GALNS: variants seen among roughly 807,000 people sequenced by gnomAD.
The protein encoded by GALNS is N-acetylgalactosamine-6-sulfatase.
In GALNS, 65 loss-of-function variants were observed where a neutral mutation model predicts 65.9. That is an observed-to-expected ratio of 0.99 (90% confidence interval 0.81 to 1.21). The LOEUF is 1.21. Among genes scored for constraint, GALNS ranks in the 50% most tolerant of loss-of-function variants. The pLI is 0.00. For synonymous variants in GALNS, 346 were observed against 288.9 expected (o/e 1.20, Z -2.00); for missense variants, 776 against 700.7 (o/e 1.11, Z -1.21).
intron 8 of GALNS, among the ~76,000 whole-genome samples, chr16:88,832,537 CTG>C (rs1193233886): frequency 5.9e-5 from 9 of 152,162 alleles, no homozygotes; most frequent in Admixed American, 3.9e-4. Context: ...GCGTAGGAAT[CTG>C]TGTTTCTGAC....
chr16:88,851,426 C>A (rs1967503140), intron 1 of GALNS, among the ~76,000 whole-genome samples: 1 of 152,164 alleles, frequency 6.6e-6, no homozygotes, highest in African/African-American at 2.4e-5. Context: ...CTCCGGGCTG[C>A]AGCTCCCAGC....
intron 8 of GALNS, among the ~76,000 whole-genome samples, chr16:88,834,572 T>C (rs1398176161): frequency 7.0e-4 from 50 of 71,264 alleles, no homozygotes; most frequent in Non-Finnish European, 1.2e-3. Flanking sequence ...AGGGCCCCCC[T>C]CAGCGTGGTC....
intron 6 of GALNS, 106 bp downstream of exon 6, chr16:88,836,095 G>C: frequency 2.5e-6 from 3 of 1,188,992 alleles, no homozygotes; most frequent in Non-Finnish European, 3.7e-6. Flanking sequence ...GCCTCCCACG[G>C]GGTGAGGTTG....
In GALNS at chr16:88,841,883, G is replaced by C; in HGVS notation, c.319+14C>G. The C allele has an allele frequency of 6.2e-7, 1 of 1,610,190 alleles. No homozygotes were observed. Among genetic ancestry groups the C allele is most frequent in the Non-Finnish European group, 8.5e-7 (1 of 1,178,210 alleles). On this transcript the variant is annotated intron_variant, in intron 3 of 13. Transcript: ENST00000268695. ...GCACCCCAAGGGTGTCCCTGGAGGC[G>C]GTGGGCAGCCTACCGTTTCTGGCAT...
intron 1 of GALNS, among the ~76,000 whole-genome samples, chr16:88,852,343 A>G (rs1237652730): frequency 2.6e-5 from 4 of 152,234 alleles, no homozygotes; most frequent in Non-Finnish European, 5.9e-5. Context: ...ATCAACATCA[A>G]CAAAAAGGAC....
chr16:88,848,369 G>A (rs907297696), intron 1 of GALNS, among the ~76,000 whole-genome samples: 3 of 152,154 alleles, frequency 2.0e-5, no homozygotes, highest in Non-Finnish European at 4.4e-5. Flanking sequence ...GGTGGTTCAC[G>A]CCTGTAATCC....
intron 4 of GALNS, chr16:88,838,805 T>A (rs1318211): frequency 0.021 from 3,215 of 152,446 alleles, 42 homozygotes; most frequent in East Asian, 0.034. Context: ...AAAGTTCTTC[T>A]GCAGCTACGG....
chr16:88,854,332 G>C (rs1201280040), intron 1 of GALNS, among the ~76,000 whole-genome samples: 1 of 152,240 alleles, frequency 6.6e-6, no homozygotes, highest in Non-Finnish European at 1.5e-5. Context: ...TCCAAGGAGA[G>C]AAGACAGCCT....
chr16:88,841,625 C>T (rs1326500223), intron 3 of GALNS, among the ~76,000 whole-genome samples: 1 of 152,248 alleles, frequency 6.6e-6, no homozygotes, highest in African/African-American at 2.4e-5. Flanking sequence ...GTGCGGCTCA[C>T]CCGCCTGGGG....
chr16:88,830,783 C>T (rs761190382), intron 9 of GALNS, among the ~76,000 whole-genome samples: 4 of 151,036 alleles, frequency 2.6e-5, no homozygotes, highest in African/African-American at 4.9e-5. Flanking sequence ...CACCGAGGTC[C>T]GCACCCCATG....
In GALNS at chr16:88,831,986, A is replaced by G; in HGVS notation, c.1002+12T>C. 1 of 1,610,446 alleles carries G rather than the reference A, an allele frequency of 6.2e-7. No individual in the cohort carries two copies. The highest frequency in any genetic ancestry group is 1.3e-5 in the African/African-American group (1 of 74,880). On this transcript the variant is annotated intron_variant, in intron 9 of 13. Transcript: ENST00000268695. ...GACCTGCTGCCCGGCAGACCGGTGG[A>G]CGCTGACTCACCTGGCCTGCAGTGA...
chr16:88,815,525 G>A, intron 13 of GALNS: 1 of 985,482 alleles, frequency 1.0e-6, no homozygotes, highest in South Asian at 4.7e-5. Flanking sequence ...CTTGATGGGA[G>A]GGCACTTTTC....
chr16:88,843,071 G>T, intron 1 of GALNS: 2 of 1,513,568 alleles, frequency 1.3e-6, no homozygotes, highest in Non-Finnish European at 1.8e-6. Flanking sequence ...GCCGCTCCAC[G>T]GTCAGCCCAC....
chr16:88,825,966 A>G (rs1270222131), intron 10 of GALNS, among the ~76,000 whole-genome samples: 1 of 152,114 alleles, frequency 6.6e-6, no homozygotes, highest in African/African-American at 2.4e-5. Flanking sequence ...ACGTGGTTTG[A>G]GTGGAATGGT....
At chr16:88,847,650 C>T (rs1016565765) in intron 1 of GALNS, among the ~76,000 whole-genome samples, 21 of 152,346 alleles carry the variant, frequency 1.4e-4, no homozygotes, top group Admixed American at 1.3e-3. Flanking sequence ...CTCCACAGTT[C>T]ACCACGACAG....
chr16:88,817,514 C>T (rs1473286144), intron 13 of GALNS: 8 of 985,274 alleles, frequency 8.1e-6, no homozygotes, highest in African/African-American at 1.7e-5. Flanking sequence ...CTGGGGCCGC[C>T]GCCACTCAAC....
At position 88,816,012 on chromosome 16, in the gene GALNS, A is replaced by G. The variant is rs951424885; in HGVS notation, c.1483-1487T>C. ...GGGGACAGAGGGCAGGGAAGGGGTA[A>G]GGAGGGCCCCCAGGCTTCACACGCG... is the stretch of plus-strand genomic sequence containing the variant. On this transcript the variant is annotated intron_variant, in intron 13 of 13. Transcript: ENST00000268695. 3 of 985,218 alleles carry G rather than the reference A, an allele frequency of 3.0e-6. No individual in the cohort carries two copies. In the African/African-American group the frequency reaches 5.2e-5, roughly 17 times the overall value. The allele number at this position is 985,218 out of a possible 1,614,324, so 61.0% of individuals were successfully genotyped here.
chr16:88,817,413 G>A, intron 13 of GALNS: 1 of 985,464 alleles, frequency 1.0e-6, no homozygotes, highest in Non-Finnish European at 1.2e-6. Flanking sequence ...GCTCTGGGTG[G>A]GTGCCTATGA....
chr16:88,851,816 G>A (rs545700252), intron 1 of GALNS, among the ~76,000 whole-genome samples: 11 of 152,350 alleles, frequency 7.2e-5, no homozygotes, highest in African/African-American at 1.9e-4. Flanking sequence ...AGGGGCGTCC[G>A]CCATTGCTGA....
Sources: allele counts gnomAD v4.1 joint callset (sites outside exome capture counted in the v4.1 genomes callset), GRCh38; gene constraint gnomAD v4.1.1; transcripts MANE v1.5; gene names NCBI Gene and HGNC (gene_info 2026-07-23, HGNC 2026-07-21).